The following MDN1 variants were observed in gnomAD, a reference collection of about 807,000 sequenced individuals.
MDN1 encodes midasin AAA ATPase 1.
Under a neutral mutation model 669.2 loss-of-function variants are expected in MDN1, and 266 were observed. The observed-to-expected ratio is 0.40, with a 90% CI of 0.36 to 0.44. MDN1 has a LOEUF of 0.44. MDN1 is among the 20% of genes least tolerant of loss of function. The probability of loss-of-function intolerance (pLI) is 1.00; values close to 1 mark genes in which losing one functional copy is unlikely to be tolerated. For missense variants in MDN1, 5,940 were observed against 6,754.0 expected, an observed-to-expected ratio of 0.88 and a Z score of 4.22; for synonymous variants, 2,385 against 2,457.1, an observed-to-expected ratio of 0.97 and a Z score of 0.87.
At chr6:89,809,683 G>A (rs1768251511) in intron 1 of MDN1, among the ~76,000 whole-genome samples, 1 of 151,628 alleles carries the variant, frequency 6.6e-6, no homozygotes, top group African/African-American at 2.4e-5. Context: ...GGCTGAGGCA[G>A]GAGAATCGCT....
intron 73 of MDN1, 134 bp downstream of exon 73, chr6:89,682,998 C>A (rs1174874206): frequency 3.5e-6 from 3 of 866,224 alleles, no homozygotes; most frequent in Admixed American, 2.9e-5. Context: ...CAGGCAAATA[C>A]ATGCTATATA....
rs758790454 is a variant in MDN1 at position 89,658,909 on chromosome 6, G to T, written c.14722C>A (p.Pro4908Thr). 3.1e-5 allele frequency: 50 copies of T among 1,611,054 alleles called. No homozygotes were observed. The highest frequency in any genetic ancestry group is 4.0e-5 in the Non-Finnish European group (47 of 1,179,196). ...TCTGGTTTTTCTTTTATCTCCAAAG[G>T]ATTCTCTTCTGTATAGATACAACAA... ...TDNEEGEEEN[P>T]LEIKEKPEEA... The change falls in exon 89 of 102, where the codon CCT (proline) becomes ACT (threonine). Residue 4908 changes from proline to threonine, a missense_variant. Physicochemically the swap from Pro to Thr is conservative, Grantham distance 38 (BLOSUM62 -1). This residue lies in a region of MDN1 where 2,280 missense variants were observed against 2,576.3 expected (regional missense o/e 0.88). Transcript: ENST00000369393.
chr6:89,643,800 A>G lies in MDN1; in HGVS notation c.*205T>C. ...CTCTTCTCTAGTTACGAGTTCAGGC[A>G]CCTGCTGCTGCTTCCAGGTTTGGTA... On this transcript the variant is annotated 3_prime_UTR_variant, in exon 102 of 102. Transcript: ENST00000369393. The G allele has an allele frequency of 2.1e-6, 1 of 470,064 alleles. No homozygotes were observed. The highest frequency in any genetic ancestry group is 3.4e-5 in the East Asian group (1 of 29,542). The allele number at this position is 470,064 out of a possible 1,614,324, so 29.1% of individuals were successfully genotyped here. A position where few individuals can be genotyped will look rare whatever the true frequency, so the allele number is the denominator to read the frequency against.
At chr6:89,662,341 T>TGGG in intron 86 of MDN1, 102 bp from the exon 87 acceptor site, 1 of 1,219,096 alleles carries the variant, frequency 8.2e-7, no homozygotes, top group South Asian at 1.5e-5. Flanking sequence ...CTATTGGACC[T>TGGG]ATCCCATGGA....
In MDN1 at chr6:89,793,797, C is replaced by T; in HGVS notation, c.820G>A (p.Val274Met). 6.2e-7 allele frequency: 1 copy of T among 1,614,100 alleles called. No homozygotes were observed. The highest frequency in any genetic ancestry group is 8.5e-7 in the Non-Finnish European group (1 of 1,179,994). Residue 274 changes from valine (V) to methionine (M), a missense_variant, in exon 5 of 102, where the codon GTG becomes ATG. By Grantham distance (21) the Val-to-Met change is conservative (BLOSUM62 1). This residue lies in a region of MDN1 where 1,203 missense variants were observed against 1,268.9 expected (regional missense o/e 0.95). Transcript: ENST00000369393. ...SPRVTAVCGV[V>M]LPGQLPAPGE... ...GGGGCTGGCAGCTGCCCAGGCAGCA[C>T]CACACCACAAACAGCTGTCACCCTA...
chr6:89,745,812 T>C (rs942342693), intron 27 of MDN1, among the ~76,000 whole-genome samples, 186 bp from the exon 28 acceptor site: 1 of 152,230 alleles, frequency 6.6e-6, no homozygotes, highest in Non-Finnish European at 1.5e-5. Flanking sequence ...ATATGACTTC[T>C]AGTATCCCCA....
chr6:89,694,403 T>C (rs769066812), intron 61 of MDN1, among the ~76,000 whole-genome samples: 4 of 152,216 alleles, frequency 2.6e-5, no homozygotes, highest in Non-Finnish European at 4.4e-5. Context: ...TTAGTCTCTC[T>C]GCTATAGGAG....
intron 39 of MDN1, 48 bp from the exon 40 acceptor site, chr6:89,723,191 G>A (rs1005734776): frequency 6.5e-7 from 1 of 1,549,524 alleles, no homozygotes; most frequent in African/African-American, 1.4e-5. Flanking sequence ...CTTACTACTA[G>A]GCACTGCATT....
intron 43 of MDN1, among the ~76,000 whole-genome samples, chr6:89,717,312 T>A (rs1814443211): frequency 6.6e-6 from 1 of 152,258 alleles, no homozygotes; most frequent in East Asian, 1.9e-4. Flanking sequence ...ATGACCATTT[T>A]TCATATCACA....
At chr6:89,663,076 T>C (rs2128301583) in intron 85 of MDN1, 109 bp from the exon 86 acceptor site, 3 of 1,256,364 alleles carry the variant, frequency 2.4e-6, no homozygotes, top group East Asian at 4.6e-5. Context: ...CTGAGATTTA[T>C]TGCCTTTTTC....
intron 1 of MDN1, among the ~76,000 whole-genome samples, chr6:89,818,710 G>T (rs1051844428): frequency 6.6e-6 from 1 of 151,870 alleles, no homozygotes; most frequent in Admixed American, 6.6e-5. Context: ...CTGAGAGGGT[G>T]AGGCAGGAGA....
chr6:89,750,021 C>T (rs1358578491), intron 24 of MDN1, among the ~76,000 whole-genome samples: 1 of 152,186 alleles, frequency 6.6e-6, no homozygotes, highest in Non-Finnish European at 1.5e-5. Flanking sequence ...AGTCTAATTT[C>T]ATTTAAATCA....
chr6:89,808,271 T>C (rs1768143995), intron 1 of MDN1, among the ~76,000 whole-genome samples: 1 of 152,152 alleles, frequency 6.6e-6, no homozygotes, highest in Non-Finnish European at 1.5e-5. Context: ...ATGCTGAACG[T>C]TGTAGATGTG....
intron 59 of MDN1, among the ~76,000 whole-genome samples, chr6:89,698,527 A>G (rs560888586): frequency 6.6e-6 from 1 of 152,382 alleles, no homozygotes; most frequent in East Asian, 1.9e-4. Flanking sequence ...ATATGTAAAC[A>G]GAAGGATATA....
intron 1 of MDN1, among the ~76,000 whole-genome samples, chr6:89,810,472 A>C (rs1386751683): frequency 1.3e-5 from 2 of 152,102 alleles, no homozygotes; most frequent in Non-Finnish European, 2.9e-5. Flanking sequence ...AATTAAAAAA[A>C]CAGAAATGTG....
At chr6:89,738,483 A>G in intron 32 of MDN1, 28 bp from the exon 33 acceptor site, 1 of 1,612,014 alleles carries the variant, frequency 6.2e-7, no homozygotes, top group Non-Finnish European at 8.5e-7. Flanking sequence ...CTTCAATGTG[A>G]ATTTTTAAAA....
In MDN1 at chr6:89,740,273, T is replaced by A; in HGVS notation, c.4554A>T (p.Leu1518=). The A allele has an allele frequency of 1.4e-5, 23 of 1,612,118 alleles. No homozygotes were observed. Among genetic ancestry groups the A allele is most frequent in the Non-Finnish European group, 2.0e-5 (23 of 1,179,466 alleles). ...LLTAGKKFRI[L]ATMNPGGDFG... is the part of the protein sequence containing the mutation. ...AGTCACCCCCAGGGTTCATGGTTGC[T>A]AGAATACGAAATTTTTTCCCAGCAG... The change falls in exon 32 of 102, where the codon CTA becomes CTT. Residue 1518 remains leucine (L), a synonymous_variant. Coordinates refer to ENST00000369393, the MANE Select transcript of MDN1 (RefSeq NM_014611.3).
intron 37 of MDN1, among the ~76,000 whole-genome samples, chr6:89,726,961 A>AATGCAATTCCACTAAAT (rs1184541421): frequency 4.3e-4 from 66 of 152,336 alleles, no homozygotes; most frequent in African/African-American, 1.6e-3. Context: ...GTCGTCCCTG[A>AATGCAATTCCACTAAAT]ATGCAATTCC....
intron 1 of MDN1, 60 bp from the exon 2 acceptor site, chr6:89,803,614 C>T (rs1370627928): frequency 1.6e-6 from 2 of 1,244,574 alleles, no homozygotes; most frequent in Non-Finnish European, 2.3e-6. Context: ...CACAGTCTCG[C>T]TCTGTCGCCC....
Sources: gnomAD v4.1 joint callset for allele counts (sites outside exome capture counted in the v4.1 genomes callset) on GRCh38, gnomAD v4.1.1 for gene constraint, gnomAD v4.1.1 regional missense constraint, MANE v1.5 for transcripts, NCBI Gene and HGNC (gene_info 2026-07-23, HGNC 2026-07-21) for gene names.